ESR1: variants seen among roughly 807,000 people sequenced by gnomAD.
ESR1 encodes estrogen receptor.
Under a neutral mutation model 52.7 loss-of-function variants are expected in ESR1, and 12 were observed. That is an observed-to-expected ratio of 0.23 (90% confidence interval 0.15 to 0.37). The LOEUF is 0.37. ESR1 is among the 10% of genes least tolerant of loss of function. ESR1 has a pLI of 1.00. For missense variants in ESR1, 584 were observed against 779.7 expected (o/e 0.75, Z 2.99); for synonymous variants, 305 against 316.8 (o/e 0.96, Z 0.39).
chr6:151,679,406 G>A (rs1778372290), intron 1 of ESR1, among the ~76,000 whole-genome samples: 1 of 152,154 alleles, frequency 6.6e-6, no homozygotes, highest in South Asian at 2.1e-4. Context: ...CTGGTGTGTG[G>A]TGGCGCAATC....
chr6:151,948,191 T>A (rs2128546485), intron 4 of ESR1, among the ~76,000 whole-genome samples: 1 of 150,986 alleles, frequency 6.6e-6, no homozygotes, highest in South Asian at 2.1e-4. Context: ...TTAGTTTCAG[T>A]GTTAATGAAA....
intron 2 of ESR1, among the ~76,000 whole-genome samples, chr6:151,723,733 G>A (rs994326232): frequency 6.6e-6 from 1 of 152,062 alleles, no homozygotes; most frequent in Admixed American, 6.6e-5. Context: ...GCTGGGCGTG[G>A]TGGAGCATTC....
intron 5 of ESR1, among the ~76,000 whole-genome samples, chr6:152,058,541 A>G (rs540506678): frequency 2.0e-4 from 31 of 152,344 alleles, no homozygotes; most frequent in African/African-American, 7.0e-4. Context: ...CACTTTACAT[A>G]AAAAACCTCA....
chr6:151,794,393 T>C (rs1399684905), intron 2 of ESR1, among the ~76,000 whole-genome samples: 1 of 152,158 alleles, frequency 6.6e-6, no homozygotes, highest in African/African-American at 2.4e-5. Context: ...TATAAAGGGA[T>C]CCTAAATTAG....
intron 1 of ESR1, among the ~76,000 whole-genome samples, chr6:151,816,037 A>G (rs931548303): frequency 5.9e-5 from 9 of 152,206 alleles, no homozygotes; most frequent in Non-Finnish European, 2.9e-5. Context: ...TTATTCAGGC[A>G]TGAGTTACAA....
At chr6:152,125,456 A>G in exon 7 of ESR1, 1 of 1,372,822 alleles carries the variant, frequency 7.3e-7, no homozygotes, top group Non-Finnish European at 9.7e-7. Flanking sequence ...CAAGTAAATT[A>G]GTCTCTCTGG....
chr6:151,787,943 A>G (rs993363424), intron 2 of ESR1, among the ~76,000 whole-genome samples: 1 of 152,088 alleles, frequency 6.6e-6, no homozygotes, highest in South Asian at 2.1e-4. Flanking sequence ...TCCTTACACC[A>G]TATATAAAAA....
intron 5 of ESR1, among the ~76,000 whole-genome samples, chr6:152,032,932 C>A (rs1428060304): frequency 6.6e-6 from 1 of 152,058 alleles, no homozygotes; most frequent in Non-Finnish European, 1.5e-5. Context: ...GGTACTGGTA[C>A]CAAAACAGAG....
intron 4 of ESR1, among the ~76,000 whole-genome samples, chr6:151,969,189 C>T (rs1250218810): frequency 1.3e-5 from 2 of 152,254 alleles, no homozygotes; most frequent in Admixed American, 1.3e-4. Flanking sequence ...GGTTGTTGTT[C>T]CATCTACTCT....
chr6:151,726,031 C>T (rs1781811610), intron 2 of ESR1, among the ~76,000 whole-genome samples: 2 of 152,048 alleles, frequency 1.3e-5, no homozygotes, highest in Non-Finnish European at 2.9e-5. Flanking sequence ...GGTGGAAAAC[C>T]ACAGGGGTGT....
intron 1 of ESR1, among the ~76,000 whole-genome samples, chr6:151,700,264 G>A (rs572307298): frequency 6.6e-6 from 1 of 152,094 alleles, no homozygotes; most frequent in East Asian, 1.9e-4. Flanking sequence ...GAGAAAACAA[G>A]TCTTTTTTTA....
At chr6:151,753,738 T>C (rs1386183296) in intron 2 of ESR1, among the ~76,000 whole-genome samples, 1 of 152,222 alleles carries the variant, frequency 6.6e-6, no homozygotes, top group Non-Finnish European at 1.5e-5. Flanking sequence ...TTAACTTTGT[T>C]GACATGGAAT....
chr6:152,114,840 G>A (rs2051189896), intron 6 of ESR1, among the ~76,000 whole-genome samples: 1 of 132,876 alleles, frequency 7.5e-6, no homozygotes, highest in Admixed American at 8.8e-5. Context: ...GCAGTGAGCC[G>A]AGATCGCGCC....
intron 2 of ESR1, among the ~76,000 whole-genome samples, chr6:151,742,758 T>C (rs1003106554): frequency 7.2e-5 from 11 of 152,224 alleles, no homozygotes; most frequent in African/African-American, 2.4e-4. Flanking sequence ...CAGTGTGTGT[T>C]TTATTCATTG....
intron 2 of ESR1, among the ~76,000 whole-genome samples, chr6:151,871,391 G>A (rs1358562826): frequency 5.9e-5 from 9 of 151,744 alleles, no homozygotes; most frequent in Admixed American, 5.9e-4. Flanking sequence ...GTGAAGCTCT[G>A]TACTTATTTT....
intron 2 of ESR1, among the ~76,000 whole-genome samples, chr6:151,869,270 C>A (rs577259777): frequency 2.0e-5 from 3 of 152,140 alleles, no homozygotes; most frequent in Non-Finnish European, 2.9e-5. Flanking sequence ...TGGAAATAAT[C>A]GAACAGAGTG....
intron 6 of ESR1, among the ~76,000 whole-genome samples, chr6:152,081,209 G>A (rs1225954238): frequency 6.6e-6 from 1 of 152,040 alleles, no homozygotes; most frequent in Non-Finnish European, 1.5e-5. Flanking sequence ...TTTTAAAATT[G>A]ACCACATAAT....
At chr6:152,108,215 T>G (rs2152512919), downstream of ESR1, among the ~76,000 whole-genome samples, 1 of 145,110 alleles carries the variant, frequency 6.9e-6, no homozygotes, top group South Asian at 2.1e-4. Flanking sequence ...AGTGAAGACA[T>G]TGGCCCTGCA....
chr6:151,932,721 T>C (rs1467104380), intron 3 of ESR1, among the ~76,000 whole-genome samples: 6 of 151,974 alleles, frequency 3.9e-5, no homozygotes, highest in African/African-American at 7.3e-5. Context: ...ATCCTTTCCC[T>C]GTTGCTTGTT....
Sources: allele counts gnomAD v4.1 joint callset (sites outside exome capture counted in the v4.1 genomes callset), GRCh38; gene constraint gnomAD v4.1.1; transcripts MANE v1.5; gene names NCBI Gene and HGNC (gene_info 2026-07-23, HGNC 2026-07-21).